Variants in WDFY3 observed in about 807,000 individuals in gnomAD.
WDFY3 encodes the protein WD repeat and FYVE domain containing 3, also known as WD repeat and FYVE domain-containing protein 3.
In WDFY3, 66 loss-of-function variants were observed where a neutral mutation model predicts 409.6. The observed-to-expected ratio is 0.16, with a 90% CI of 0.13 to 0.20. The LOEUF (loss-of-function observed/expected upper bound fraction) is 0.20. Ranked by LOEUF, WDFY3 falls within the 10% of genes least tolerant of loss-of-function variation. WDFY3 has a pLI of 1.00. For synonymous variants in WDFY3, 1,521 were observed against 1,537.1 expected, an observed-to-expected ratio of 0.99 and a Z score of 0.25; for missense variants, 3,031 against 4,298.1, an observed-to-expected ratio of 0.71 and a Z score of 8.24.
At chr4:84,877,493 C>G (rs989882928) in intron 3 of WDFY3, among the ~76,000 whole-genome samples, 23 of 152,062 alleles carry the variant, frequency 1.5e-4, no homozygotes, top group African/African-American at 4.3e-4. Context: ...GAGATGGGGT[C>G]TCACTATGTT....
At chr4:84,777,051 T>A (rs1745677847) in intron 27 of WDFY3, among the ~76,000 whole-genome samples, 2 of 151,978 alleles carry the variant, frequency 1.3e-5, no homozygotes, top group African/African-American at 4.8e-5. Context: ...TATCAGACTG[T>A]TTATACACAG....
intron 17 of WDFY3, among the ~76,000 whole-genome samples, chr4:84,801,087 T>C (rs1750465651): frequency 6.6e-6 from 1 of 152,182 alleles, no homozygotes; most frequent in African/African-American, 2.4e-5. Context: ...AAGGTAGCAC[T>C]AGAGAAATCT....
At position 84,794,500 on chromosome 4, in the gene WDFY3, A is replaced by C. The variant is rs1203430568; in HGVS notation, c.3487+19T>G. 1 of 1,599,390 alleles carries C rather than the reference A, an allele frequency of 6.3e-7. No homozygotes were observed. The highest frequency in any genetic ancestry group is 1.8e-5 in the Admixed American group (1 of 57,096). ...AATACTTCTATAATCAAAAGAAGAA[A>C]ACAAAAAAAAATACTGACCATAATT... On this transcript the variant is annotated intron_variant, in intron 21 of 67. Coordinates refer to ENST00000295888, the MANE Select transcript of WDFY3 (RefSeq NM_014991.6).
At chr4:84,687,239 G>A (rs1304902960) in intron 62 of WDFY3, among the ~76,000 whole-genome samples, 3 of 152,116 alleles carry the variant, frequency 2.0e-5, no homozygotes, top group Admixed American at 1.3e-4. Context: ...CACCTCCCGG[G>A]TTCAAGCGGT....
intron 64 of WDFY3, among the ~76,000 whole-genome samples, 167 bp from the exon 65 acceptor site, chr4:84,679,409 C>G (rs1312820360): frequency 6.6e-6 from 1 of 152,124 alleles, no homozygotes; most frequent in Non-Finnish European, 1.5e-5. Flanking sequence ...GGCTAGAGTA[C>G]AGAGAGCAAA....
In WDFY3 at chr4:84,864,759, T is replaced by C. The variant is rs116566233; in HGVS notation, c.-31-4137A>G. On this transcript the variant is annotated intron_variant, in intron 3 of 67. Coordinates refer to ENST00000295888, the MANE Select transcript of WDFY3 (RefSeq NM_014991.6). ...AAGTGGCCTTCACCAGGCTTACTTATATTAGGTATCAATTTTAAATTATAA... is the reference window on the plus strand; with the variant it reads ...AAGTGGCCTTCACCAGGCTTACTTACATTAGGTATCAATTTTAAATTATAA... 1.9e-3 allele frequency among the ~76,000 whole-genome samples: 294 copies of C among 152,330 alleles called. 1 individual carries two copies. Among genetic ancestry groups the C allele is most frequent in the African/African-American group, 6.8e-3 (284 of 41,576 alleles).
chr4:84,754,105 C>A (rs1393106569), intron 34 of WDFY3, among the ~76,000 whole-genome samples: 1 of 152,112 alleles, frequency 6.6e-6, no homozygotes, highest in Admixed American at 6.5e-5. Flanking sequence ...ATTGTCTAAT[C>A]ATTAGATTAA....
At chr4:84,725,612 CT>C (rs1735525464) in intron 45 of WDFY3, among the ~76,000 whole-genome samples, 1 of 152,138 alleles carries the variant, frequency 6.6e-6, no homozygotes, top group African/African-American at 2.4e-5. Context: ...AAGATGAAAT[CT>C]GAAACATGCT....
chr4:84,829,799 G>A (rs1230664836), intron 8 of WDFY3, among the ~76,000 whole-genome samples: 12 of 56,856 alleles, frequency 2.1e-4, no homozygotes, highest in African/African-American at 4.5e-4. Flanking sequence ...GTGACAGAGC[G>A]AGACTGTCTC....
In WDFY3 at chr4:84,751,584, C is replaced by A; in HGVS notation, c.5872G>T (p.Ala1958Ser). 1 of 1,614,086 alleles carries A rather than the reference C, an allele frequency of 6.2e-7. No homozygotes were observed. Among genetic ancestry groups the A allele is most frequent in the Non-Finnish European group, 8.5e-7 (1 of 1,180,020 alleles). Reference sequence around the variant, plus strand: ...ATGAAGTCAAAAACGAACTTTTTAGCCGGGTGATTGGTCAGATATGTCTTG... The same window carrying A: ...ATGAAGTCAAAAACGAACTTTTTAGACGGGTGATTGGTCAGATATGTCTTG... ...GTKTYLTNHP[A>S]KKFVFDFMRV... Residue 1958 changes from alanine to serine, a missense_variant, in exon 36 of 68, where the codon GCT (alanine) becomes TCT (serine). By Grantham distance (99) the Ala-to-Ser change is moderately conservative (BLOSUM62 1). Coordinates refer to ENST00000295888, the MANE Select transcript of WDFY3 (RefSeq NM_014991.6).
intron 3 of WDFY3, among the ~76,000 whole-genome samples, chr4:84,896,170 C>T (rs1166532012): frequency 6.6e-6 from 1 of 151,872 alleles, no homozygotes; most frequent in African/African-American, 2.4e-5. Context: ...GCAGGAGAAT[C>T]GCTTGAACCG....
intron 11 of WDFY3, among the ~76,000 whole-genome samples, chr4:84,820,645 A>G (rs1243835027): frequency 1.3e-5 from 2 of 152,122 alleles, no homozygotes; most frequent in African/African-American, 2.4e-5. Flanking sequence ...CAATGATAAT[A>G]CATTGTGTAT....
intron 1 of WDFY3, chr4:84,965,634 C>G (rs1217061590): frequency 1.3e-5 from 2 of 152,284 alleles, no homozygotes; most frequent in Non-Finnish European, 2.9e-5. Flanking sequence ...AGAACTGGAG[C>G]ATCTCTGGCT....
At chr4:84,684,363 G>A (rs1727940403) in intron 62 of WDFY3, among the ~76,000 whole-genome samples, 1 of 152,182 alleles carries the variant, frequency 6.6e-6, no homozygotes, top group Non-Finnish European at 1.5e-5. Flanking sequence ...GACCACGGAT[G>A]GAGACAAAGG....
intron 3 of WDFY3, among the ~76,000 whole-genome samples, chr4:84,889,375 T>C (rs1170065902): frequency 6.6e-6 from 1 of 152,160 alleles, no homozygotes; most frequent in Non-Finnish European, 1.5e-5. Context: ...CGAATCGTTA[T>C]GCAAAAATAG....
chr4:84,900,071 A>AGAAAT (rs1491129793), intron 2 of WDFY3, among the ~76,000 whole-genome samples: 2 of 152,226 alleles, frequency 1.3e-5, no homozygotes, highest in East Asian at 3.9e-4. Context: ...AGAAAGAAAA[A>AGAAAT]GAAATGAAAT....
At chr4:84,701,950 A>C (rs1731126418) in intron 56 of WDFY3, among the ~76,000 whole-genome samples, 2 of 152,344 alleles carry the variant, frequency 1.3e-5, no homozygotes, top group South Asian at 2.1e-4. Flanking sequence ...CTTTTCAATA[A>C]ATTTTCACCT....
intron 63 of WDFY3, among the ~76,000 whole-genome samples, chr4:84,683,354 T>C (rs1020348886): frequency 3.3e-5 from 5 of 152,058 alleles, no homozygotes; most frequent in African/African-American, 1.2e-4. Flanking sequence ...AGAGCACAAT[T>C]AAAGAAAAAC....
At position 84,821,314 on chromosome 4, in the gene WDFY3, C is replaced by T; in HGVS notation, c.1361G>A (p.Ser454Asn). The change falls in exon 11 of 68, where the codon AGC (serine) becomes AAC (asparagine). Residue 454 changes from serine (S) to asparagine (N), a missense_variant. This residue lies in a region of WDFY3 where 1,322 missense variants were observed against 1,697.9 expected (regional missense o/e 0.78). Transcript: ENST00000295888. The stretch of plus-strand genomic sequence containing the variant: ...TTCTTTACAAGGTATATAATTTAAG[C>T]TAAAAACAACAAACTCCAGCATCTC... ...YFEMLEFVVF[S>N]LNYIPCKELI... The T allele has an allele frequency of 6.2e-7, 1 of 1,613,662 alleles. No individual in the cohort carries two copies.
Sources: gnomAD v4.1 joint callset for allele counts (sites outside exome capture counted in the v4.1 genomes callset) on GRCh38, gnomAD v4.1.1 for gene constraint, gnomAD v4.1.1 regional missense constraint, MANE v1.5 for transcripts, NCBI Gene and HGNC (gene_info 2026-07-23, HGNC 2026-07-21) for gene names.